SLC25A48: variants seen among roughly 807,000 people sequenced by gnomAD.
SLC25A48 encodes the protein CTC-321K16.1.
In SLC25A48, 29 loss-of-function variants were observed where a neutral mutation model predicts 32.2. The ratio of observed to expected loss-of-function variants is 0.90; its 90% CI spans 0.67 to 1.23. SLC25A48 has a LOEUF of 1.23. Ranked by LOEUF, SLC25A48 falls within the 50% of genes most tolerant of loss-of-function variation. The probability of loss-of-function intolerance (pLI) is 0.00; values close to 1 mark genes in which losing one functional copy is unlikely to be tolerated. For synonymous variants in SLC25A48, 164 were observed against 172.3 expected (o/e 0.95, Z 0.38); for missense variants, 399 against 422.7 (o/e 0.94, Z 0.49).
intron 3 of SLC25A48, among the ~76,000 whole-genome samples, chr5:135,805,267 G>C (rs763436735): frequency 6.6e-6 from 1 of 150,862 alleles, no homozygotes; most frequent in Non-Finnish European, 1.5e-5. Context: ...GTCCTAGGCA[G>C]ATATTATTTT....
chr5:135,774,831 T>G (rs181714931), intron 3 of SLC25A48, among the ~76,000 whole-genome samples: 29 of 151,734 alleles, frequency 1.9e-4, no homozygotes, highest in African/African-American at 6.5e-4. Context: ...CACACCCCTG[T>G]GATATTGTCC....
chr5:135,797,900 C>T (rs532605510), intron 3 of SLC25A48, among the ~76,000 whole-genome samples: 1 of 151,722 alleles, frequency 6.6e-6, no homozygotes, highest in South Asian at 2.1e-4. Context: ...TCCTAATATC[C>T]ATGAGAAAGA....
At chr5:135,632,418 C>T (rs995492525) in intron 2 of SLC25A48, among the ~76,000 whole-genome samples, 1 of 152,072 alleles carries the variant, frequency 6.6e-6, no homozygotes, top group South Asian at 2.1e-4. Flanking sequence ...GATGGAATGC[C>T]AAAGAGAGGC....
intron 1 of SLC25A48, among the ~76,000 whole-genome samples, chr5:135,840,998 G>C (rs776806057): frequency 6.6e-5 from 10 of 152,190 alleles, no homozygotes; most frequent in Non-Finnish European, 1.3e-4. Context: ...TTGCCAAACT[G>C]TTTCCACCAT....
At chr5:135,754,069 G>T (rs939291674) in intron 3 of SLC25A48, among the ~76,000 whole-genome samples, 1 of 151,654 alleles carries the variant, frequency 6.6e-6, no homozygotes, top group Admixed American at 6.6e-5. Context: ...GATATCACAG[G>T]GTGTACACCC....
chr5:135,648,737 G>A (rs1407580831), intron 3 of SLC25A48: 1 of 152,278 alleles, frequency 6.6e-6, no homozygotes, highest in African/African-American at 2.4e-5. Flanking sequence ...ATGATTGCTT[G>A]TAAATGATTA....
chr5:135,708,837 G>A (rs2126972577), intron 3 of SLC25A48, among the ~76,000 whole-genome samples: 1 of 152,326 alleles, frequency 6.6e-6, no homozygotes, highest in South Asian at 2.1e-4. Flanking sequence ...ATGAATCCTA[G>A]TGGGGCAGGG....
chr5:135,581,724 T>A (rs1166219433), intron 1 of SLC25A48, among the ~76,000 whole-genome samples: 1 of 152,240 alleles, frequency 6.6e-6, no homozygotes, highest in African/African-American at 2.4e-5. Context: ...CTCCTCAGTC[T>A]GTGTATGCAG....
intron 3 of SLC25A48, among the ~76,000 whole-genome samples, chr5:135,677,558 G>C (rs1423283112): frequency 6.6e-6 from 1 of 152,012 alleles, no homozygotes; most frequent in South Asian, 2.1e-4. Flanking sequence ...CTGATTTTCT[G>C]TGGTGGTACC....
intron 4 of SLC25A48, among the ~76,000 whole-genome samples, chr5:135,853,870 T>C (rs1475079735): frequency 6.6e-6 from 1 of 152,204 alleles, no homozygotes; most frequent in Non-Finnish European, 1.5e-5. Context: ...ATGGCAACTA[T>C]AGCCTTAAGA....
intron 1 of SLC25A48, among the ~76,000 whole-genome samples, chr5:135,625,608 G>T (rs1280443083): frequency 6.6e-6 from 1 of 152,148 alleles, no homozygotes; most frequent in Non-Finnish European, 1.5e-5. Flanking sequence ...TAGCTCTGGG[G>T]CTTAAGGTTT....
intron 1 of SLC25A48, among the ~76,000 whole-genome samples, chr5:135,588,289 G>GA (rs1174316168): frequency 2.0e-5 from 3 of 152,150 alleles, no homozygotes; most frequent in Non-Finnish European, 4.4e-5. Context: ...TCCTGTGGAG[G>GA]AAAAAAAGCC....
intron 3 of SLC25A48, among the ~76,000 whole-genome samples, chr5:135,705,069 C>G (rs947846559): frequency 6.6e-6 from 1 of 152,220 alleles, no homozygotes; most frequent in African/African-American, 2.4e-5. Context: ...GGATTGGTCA[C>G]TGTCTCTTGG....
chr5:135,846,190 T>G (rs1385968482), intron 2 of SLC25A48, among the ~76,000 whole-genome samples: 1 of 152,214 alleles, frequency 6.6e-6, no homozygotes, highest in Non-Finnish European at 1.5e-5. Flanking sequence ...TGCCTGATTA[T>G]CTGATGGTTT....
chr5:135,738,228 G>T (rs1461399366), intron 3 of SLC25A48, among the ~76,000 whole-genome samples: 1 of 152,142 alleles, frequency 6.6e-6, no homozygotes, highest in African/African-American at 2.4e-5. Flanking sequence ...ACTCATTCCC[G>T]TGGCAGGCCC....
At chr5:135,767,865 ATGT>A (rs1452486375) in intron 3 of SLC25A48, among the ~76,000 whole-genome samples, 4 of 149,824 alleles carry the variant, frequency 2.7e-5, no homozygotes, top group East Asian at 2.0e-4. Context: ...CCCCCTTGTG[ATGT>A]TGTTTATAAT....
chr5:135,846,140 T>C (rs545995870), intron 2 of SLC25A48, among the ~76,000 whole-genome samples: 1 of 152,180 alleles, frequency 6.6e-6, no homozygotes, highest in African/African-American at 2.4e-5. Flanking sequence ...GAACTGCGCA[T>C]GCGAGGGATC....
chr5:135,737,273 C>T (rs1755389064), intron 3 of SLC25A48, among the ~76,000 whole-genome samples: 1 of 150,792 alleles, frequency 6.6e-6, no homozygotes, highest in Non-Finnish European at 1.5e-5. Context: ...TGTTCTCTGG[C>T]TGGCAGGGGT....
chr5:135,645,535 G>T (rs1164614349), intron 3 of SLC25A48, among the ~76,000 whole-genome samples: 2 of 152,212 alleles, frequency 1.3e-5, no homozygotes, highest in Admixed American at 6.5e-5. Flanking sequence ...ACTCTGAGTT[G>T]CTGTGACATG....
Sources: allele counts gnomAD v4.1 joint callset (sites outside exome capture counted in the v4.1 genomes callset), GRCh38; gene constraint gnomAD v4.1.1; transcripts MANE v1.5; gene names NCBI Gene and HGNC (gene_info 2026-07-23, HGNC 2026-07-21).